The following GRM7 variants were observed in gnomAD, a reference collection of about 807,000 sequenced individuals.
GRM7 encodes metabotropic glutamate receptor 7.
GRM7 carries 35 observed loss-of-function variants against 84.5 expected under a neutral mutation model. That is an observed-to-expected ratio of 0.41 (90% CI 0.32 to 0.55). The LOEUF is 0.55. Ranked by LOEUF, GRM7 falls within the 20% of genes least tolerant of loss-of-function variation. The probability of loss-of-function intolerance (pLI) is 0.19; values close to 1 mark genes in which losing one functional copy is unlikely to be tolerated. For missense variants in GRM7, 1,003 were observed against 1,194.6 expected (o/e 0.84, Z 2.36); for synonymous variants, 487 against 455.1 (o/e 1.07, Z -0.89).
intron 4 of GRM7, among the ~76,000 whole-genome samples, chr3:7,370,639 C>A (rs921972082): frequency 6.6e-6 from 1 of 151,908 alleles, no homozygotes; most frequent in Admixed American, 6.6e-5. Flanking sequence ...AAAGATGTCT[C>A]CAGAAATATC....
intron 7 of GRM7, among the ~76,000 whole-genome samples, chr3:7,541,372 C>A (rs1036238776): frequency 6.6e-6 from 1 of 151,962 alleles, no homozygotes; most frequent in Non-Finnish European, 1.5e-5. Flanking sequence ...TTTTATACCA[C>A]GCTTTGTTAG....
At chr3:7,217,008 C>T (rs116344766) in intron 2 of GRM7, among the ~76,000 whole-genome samples, 1 of 152,064 alleles carries the variant, frequency 6.6e-6, no homozygotes, top group Non-Finnish European at 1.5e-5. Flanking sequence ...TTCATCCCAA[C>T]GAAATCGTTT....
At chr3:7,338,106 A>G (rs1297674082) in intron 4 of GRM7, among the ~76,000 whole-genome samples, 1 of 129,434 alleles carries the variant, frequency 7.7e-6, no homozygotes, top group African/African-American at 3.7e-5. Flanking sequence ...ATCTACATAT[A>G]TATTTATGTA....
intron 4 of GRM7, among the ~76,000 whole-genome samples, chr3:7,358,371 A>G (rs1266272043): frequency 2.4e-5 from 3 of 124,994 alleles, no homozygotes; most frequent in East Asian, 1.9e-4. Flanking sequence ...ATCATCAACC[A>G]TAGTCATTTG....
At chr3:7,215,710 T>G (rs1365428852) in intron 2 of GRM7, among the ~76,000 whole-genome samples, 1 of 152,066 alleles carries the variant, frequency 6.6e-6, no homozygotes, top group East Asian at 1.9e-4. Context: ...TTTTCTACTC[T>G]GAAAAGTTGT....
chr3:7,321,588 TG>T (rs1451948020), intron 4 of GRM7, among the ~76,000 whole-genome samples: 1 of 151,894 alleles, frequency 6.6e-6, no homozygotes, highest in African/African-American at 2.4e-5. Flanking sequence ...TTAACACTCT[TG>T]GGTTTGTGGC....
At chr3:7,031,298 A>G (rs377144111) in intron 1 of GRM7, among the ~76,000 whole-genome samples, 1 of 152,126 alleles carries the variant, frequency 6.6e-6, no homozygotes, top group Non-Finnish European at 1.5e-5. Flanking sequence ...TGGGCTTAGG[A>G]TGCATTTCCC....
chr3:7,011,201 C>T (rs1459706423), intron 1 of GRM7, among the ~76,000 whole-genome samples: 1 of 152,142 alleles, frequency 6.6e-6, no homozygotes, highest in Admixed American at 6.5e-5. Context: ...TGAGCTGACT[C>T]ATATACACGT....
At chr3:7,472,501 G>T (rs1169994123) in intron 7 of GRM7, among the ~76,000 whole-genome samples, 2 of 152,174 alleles carry the variant, frequency 1.3e-5, no homozygotes, top group African/African-American at 4.8e-5. Context: ...GAGTAGCAGG[G>T]CAAGATGGAA....
intron 2 of GRM7, among the ~76,000 whole-genome samples, chr3:7,177,211 C>A (rs1400205673): frequency 6.6e-6 from 1 of 152,136 alleles, no homozygotes; most frequent in East Asian, 1.9e-4. Context: ...AAATGCATAG[C>A]CTTTAAGGCT....
intron 1 of GRM7, among the ~76,000 whole-genome samples, chr3:6,933,566 C>T (rs1352357291): frequency 1.3e-5 from 2 of 152,116 alleles, no homozygotes; most frequent in East Asian, 1.9e-4. Flanking sequence ...CAACTTGCAA[C>T]TTGTTTAAGA....
chr3:6,866,474 T>G (rs1431711654), intron 1 of GRM7, among the ~76,000 whole-genome samples: 4 of 152,180 alleles, frequency 2.6e-5, no homozygotes, highest in Non-Finnish European at 5.9e-5. Context: ...TGGGAACTTT[T>G]AAAATATATT....
chr3:6,871,959 G>T lies in GRM7; in HGVS notation c.519+10052G>T, dbSNP rs188027480. On this transcript the variant is annotated intron_variant, in intron 1 of 9. Coordinates refer to ENST00000357716, the MANE Select transcript of GRM7 (RefSeq NM_000844.4). ...ATCCCCAAACCATTGAGGCATCCTA[G>T]CTCCCTCTCCTCCACTCCTTTCCAC... Among the ~76,000 whole-genome samples the T allele has an allele frequency of 2.6e-3, 389 of 152,128 alleles. 2 individuals are homozygous for T. Among genetic ancestry groups the T allele is most frequent in the African/African-American group, 9.0e-3 (373 of 41,514 alleles).
At chr3:6,970,875 G>T (rs569268690) in intron 1 of GRM7, among the ~76,000 whole-genome samples, 2 of 152,032 alleles carry the variant, frequency 1.3e-5, no homozygotes, top group African/African-American at 2.4e-5. Context: ...CCAGCTACTC[G>T]GGAGGCTGAG....
intron 8 of GRM7, among the ~76,000 whole-genome samples, chr3:7,669,077 T>C (rs932600889): frequency 3.3e-5 from 5 of 152,254 alleles, no homozygotes; most frequent in African/African-American, 7.2e-5. Flanking sequence ...CCAGCATGCT[T>C]GACGCCAATT....
chr3:7,697,583 G>A (rs1701067525), intron 9 of GRM7, among the ~76,000 whole-genome samples: 1 of 152,154 alleles, frequency 6.6e-6, no homozygotes, highest in African/African-American at 2.4e-5. Flanking sequence ...ACAATGCAGT[G>A]TACAAAATCA....
At chr3:7,638,670 G>C (rs1156242235) in intron 8 of GRM7, among the ~76,000 whole-genome samples, 1 of 152,208 alleles carries the variant, frequency 6.6e-6, no homozygotes, top group Admixed American at 6.5e-5. Context: ...AATCCAAATG[G>C]AAGGCCATTT....
At chr3:7,306,716 C>A in intron 4 of GRM7, 64 bp downstream of exon 4, 6 of 1,384,964 alleles carry the variant, frequency 4.3e-6, no homozygotes, top group Non-Finnish European at 5.9e-6. Flanking sequence ...AATGGCCAAG[C>A]ATGTGACTTT....
chr3:7,498,020 C>T (rs1699763045), intron 7 of GRM7, among the ~76,000 whole-genome samples: 1 of 152,110 alleles, frequency 6.6e-6, no homozygotes, highest in Non-Finnish European at 1.5e-5. Flanking sequence ...GTTCAAAGAA[C>T]TTTTCTAATT....
Sources: gnomAD v4.1 joint callset for allele counts (sites outside exome capture counted in the v4.1 genomes callset) on GRCh38, gnomAD v4.1.1 for gene constraint, MANE v1.5 for transcripts, NCBI Gene and HGNC (gene_info 2026-07-23, HGNC 2026-07-21) for gene names.